ZFHX3: variants seen among roughly 807,000 people sequenced by gnomAD.
ZFHX3 encodes zinc finger homeobox protein 3.
Under a neutral mutation model 279.1 loss-of-function variants are expected in ZFHX3, and 42 were observed. The ratio of observed to expected loss-of-function variants is 0.15; its 90% CI spans 0.12 to 0.19. The LOEUF is 0.19. ZFHX3 is among the 10% of genes least tolerant of loss of function. The pLI, the probability that ZFHX3 is intolerant of heterozygous loss-of-function variation, is 1.00. For missense variants in ZFHX3, 4,981 were observed against 4,754.0 expected (o/e 1.05, Z -1.40); for synonymous variants, 2,293 against 1,957.8 (o/e 1.17, Z -4.52).
intron 2 of ZFHX3, among the ~76,000 whole-genome samples, chr16:73,522,894 T>A (rs909665385): frequency 1.3e-5 from 2 of 152,098 alleles, no homozygotes; most frequent in African/African-American, 2.4e-5. Context: ...AGGAGAAGAA[T>A]GAGTGAAGCG....
chr16:72,957,298 T>G (rs1315068240), intron 2 of ZFHX3, 129 bp downstream of exon 2: 3 of 1,082,396 alleles, frequency 2.8e-6, no homozygotes, highest in African/African-American at 1.6e-5. Flanking sequence ...TGTAAGACAC[T>G]CCAGTTTACA....
intron 7 of ZFHX3, among the ~76,000 whole-genome samples, chr16:73,099,745 G>A (rs1966208928): frequency 6.6e-6 from 1 of 150,676 alleles, no homozygotes. Context: ...AGAGAAATGA[G>A]CTCTGTGTGT....
Position 73,866,514 on chromosome 16 carries a change from G to GA in ZFHX3, c.-1608+25136dup, listed in dbSNP as rs1268777993. ...AATGCCCGTCACTCCCACTTCTCCT[G>GA]AAAACTCATGAAAAGTCCATCACTT... On this transcript the variant is annotated intron_variant, in intron 1 of 17. Coordinates refer to the ZFHX3 transcript ENST00000641206. Among the ~76,000 whole-genome samples the GA allele has an allele frequency of 3.3e-5, 5 of 151,906 alleles. No individual in the cohort carries two copies. The South Asian group carries it at 8.3e-4, about 25-fold the overall frequency.
At chr16:73,317,747 C>A (rs978710792) in intron 4 of ZFHX3, among the ~76,000 whole-genome samples, 9 of 152,020 alleles carry the variant, frequency 5.9e-5, no homozygotes, top group African/African-American at 2.2e-4. Flanking sequence ...CAAACGGCGG[C>A]CAGTAAATTA....
rs966139814 is a variant in ZFHX3, at chr16:72,795,954, C to G, written c.6728G>C (p.Arg2243Thr). Residue 2243 changes from arginine (R) to threonine (T), a missense_variant, in exon 9 of 10, where the codon AGG becomes ACG. By Grantham distance (71) the Arg-to-Thr change is moderately conservative (BLOSUM62 -1). This residue lies in a region of ZFHX3 where 177 missense variants were observed against 244.2 expected (regional missense o/e 0.72). Transcript: ENST00000268489. ...GTCCGTAAACCTTGTTCTTGAAGAC[C>G]TCTTGCTTCCCCAGTACTCCTGCTT... ...PPKQEYWGSK[R>T]SSRTRFTDYQ... The G allele has an allele frequency of 6.2e-7, 1 of 1,614,062 alleles. No homozygotes were observed. The highest frequency in any genetic ancestry group is 1.3e-5 in the African/African-American group (1 of 74,914).
chr16:73,412,631 G>A lies in ZFHX3; in HGVS notation c.-1291+43372C>T, dbSNP rs534498976. Reference sequence around the variant, plus strand: ...TGCCGATGGCCTGAGAGAAGAGGCCGATGAACCCCTGGGGCTGCTATTAGT... The same window carrying A: ...TGCCGATGGCCTGAGAGAAGAGGCCAATGAACCCCTGGGGCTGCTATTAGT... On this transcript the variant is annotated intron_variant, in intron 3 of 17. Transcript: ENST00000641206. Among the ~76,000 whole-genome samples, 8 of 152,312 alleles carry A rather than the reference G, an allele frequency of 5.3e-5. No individual in the cohort carries two copies. In the South Asian group the frequency reaches 1.2e-3, roughly 24 times the overall value.
At chr16:73,661,121 T>G (rs889612432) in intron 2 of ZFHX3, among the ~76,000 whole-genome samples, 1 of 152,216 alleles carries the variant, frequency 6.6e-6, no homozygotes, top group Non-Finnish European at 1.5e-5. Flanking sequence ...GACATTTTAC[T>G]GACTTAAATA....
At chr16:73,464,004 T>C (rs985431296) in intron 2 of ZFHX3, among the ~76,000 whole-genome samples, 5 of 152,192 alleles carry the variant, frequency 3.3e-5, no homozygotes, top group African/African-American at 4.8e-5. Context: ...AACAATACTG[T>C]GGATGCAGAA....
chr16:73,794,709 C>A (rs1381908815), intron 1 of ZFHX3, among the ~76,000 whole-genome samples: 1 of 152,132 alleles, frequency 6.6e-6, no homozygotes, highest in Admixed American at 6.5e-5. Context: ...CCTATTTAAC[C>A]AATTATTCTA....
At chr16:73,132,101 C>A (rs1374709677) in intron 6 of ZFHX3, among the ~76,000 whole-genome samples, 1 of 152,076 alleles carries the variant, frequency 6.6e-6, no homozygotes, top group Non-Finnish European at 1.5e-5. Flanking sequence ...GCCTGGGCAA[C>A]ATAGTGAAAC....
At chr16:73,105,455 A>ATTTTT (rs760586632) in intron 7 of ZFHX3, among the ~76,000 whole-genome samples, 8 of 69,536 alleles carry the variant, frequency 1.2e-4, no homozygotes, top group South Asian at 4.6e-4. Context: ...ATATATATAT[A>ATTTTT]TATTTTTTCC....
intron 3 of ZFHX3, among the ~76,000 whole-genome samples, chr16:73,405,882 G>A (rs975321675): frequency 6.6e-6 from 1 of 152,198 alleles, no homozygotes; most frequent in Non-Finnish European, 1.5e-5. Context: ...TGAAAGGAGC[G>A]GAAATGCCTG....
At chr16:73,091,168 G>A (rs896159384) in intron 8 of ZFHX3, among the ~76,000 whole-genome samples, 1 of 147,354 alleles carries the variant, frequency 6.8e-6, no homozygotes, top group Admixed American at 6.8e-5. Flanking sequence ...TGGAGATCAC[G>A]CCACTGTACT....
At chr16:73,031,343 G>A (rs1304559634) in intron 1 of ZFHX3, among the ~76,000 whole-genome samples, 1 of 152,166 alleles carries the variant, frequency 6.6e-6, no homozygotes, top group Non-Finnish European at 1.5e-5. Context: ...AAGGAAGGAA[G>A]GACGCAGGAA....
chr16:72,927,758 C>T (rs1407422555), intron 3 of ZFHX3, among the ~76,000 whole-genome samples: 1 of 152,024 alleles, frequency 6.6e-6, no homozygotes, highest in East Asian at 2.0e-4. Context: ...CGCGCTCTCC[C>T]CCACCAAAAA....
chr16:72,836,685 T>C (rs1393356005), intron 4 of ZFHX3, among the ~76,000 whole-genome samples: 2 of 152,024 alleles, frequency 1.3e-5, no homozygotes, highest in Non-Finnish European at 2.9e-5. Flanking sequence ...CTTTGCCCAT[T>C]CCATCTTCTA....
At chr16:73,416,577 G>A (rs923930963) in intron 3 of ZFHX3, among the ~76,000 whole-genome samples, 3 of 152,232 alleles carry the variant, frequency 2.0e-5, no homozygotes, top group South Asian at 2.1e-4. Context: ...TTTAGCAGAC[G>A]AAAGTTGAGA....
chr16:73,799,839 G>A (rs372205593), intron 1 of ZFHX3, among the ~76,000 whole-genome samples: 15 of 152,106 alleles, frequency 9.9e-5, no homozygotes, highest in Admixed American at 6.5e-4. Flanking sequence ...TCCCAATATT[G>A]ACTTTTGTCT....
intron 7 of ZFHX3, among the ~76,000 whole-genome samples, chr16:73,130,656 G>C (rs1300301825): frequency 6.6e-6 from 1 of 152,236 alleles, no homozygotes; most frequent in Admixed American, 6.5e-5. Flanking sequence ...TCTGAGGCTG[G>C]AGTGCAATGG....
Sources: gnomAD v4.1 joint callset for allele counts (sites outside exome capture counted in the v4.1 genomes callset) on GRCh38, gnomAD v4.1.1 for gene constraint, gnomAD v4.1.1 regional missense constraint, MANE v1.5 for transcripts, NCBI Gene and HGNC (gene_info 2026-07-23, HGNC 2026-07-21) for gene names.